Variants in PVT1 observed in about 807,000 individuals in gnomAD.
PVT1 encodes the protein CXCR4/PVT1 fusion.
At chr8:127,812,137 A>G (rs1466685820) in intron 2 of PVT1, among the ~76,000 whole-genome samples, 2 of 140,288 alleles carry the variant, frequency 1.4e-5, no homozygotes, top group Non-Finnish European at 3.1e-5. Context: ...AGAAAAGAAA[A>G]GAAAAGGAGG....
intron 2 of PVT1, among the ~76,000 whole-genome samples, chr8:127,888,727 A>T (rs997482175): frequency 6.6e-6 from 1 of 152,238 alleles, no homozygotes; most frequent in Non-Finnish European, 1.5e-5. Flanking sequence ...AGGCCTATGA[A>T]GCAGCCTTTA....
intron 2 of PVT1, among the ~76,000 whole-genome samples, chr8:127,816,564 A>G (rs923307302): frequency 1.2e-4 from 17 of 146,022 alleles, no homozygotes; most frequent in African/African-American, 3.8e-4. Flanking sequence ...GTCACCCAGG[A>G]TGGGGATGGA....
At chr8:127,973,797 G>C (rs1471011304) in intron 3 of PVT1, among the ~76,000 whole-genome samples, 2 of 151,758 alleles carry the variant, frequency 1.3e-5, no homozygotes, top group Non-Finnish European at 2.9e-5. Context: ...GGCTAACATG[G>C]TGAAACCCCA....
chr8:127,945,788 C>T (rs896079489), intron 3 of PVT1, among the ~76,000 whole-genome samples: 8 of 152,138 alleles, frequency 5.3e-5, no homozygotes, highest in South Asian at 2.1e-4. Context: ...TGTTCCCATT[C>T]GTTCATTTTT....
At chr8:127,836,837 C>T (rs1483120900) in intron 2 of PVT1, among the ~76,000 whole-genome samples, 1 of 152,150 alleles carries the variant, frequency 6.6e-6, no homozygotes, top group Non-Finnish European at 1.5e-5. Flanking sequence ...AGAGTCCACA[C>T]GCTTGGCGCC....
chr8:128,087,257 A>G (rs6470602), intron 5 of PVT1, among the ~76,000 whole-genome samples: 65,269 of 152,000 alleles, frequency 0.43, 15,118 homozygotes, highest in Admixed American at 0.6. Context: ...CCTTCCCTCG[A>G]TGGAATCCCA....
At chr8:127,849,705 GCCC>G in intron 2 of PVT1, among the ~76,000 whole-genome samples, 1 of 140,142 alleles carries the variant, frequency 7.1e-6, no homozygotes, top group Admixed American at 7.0e-5. Flanking sequence ...GTGTGTGTGT[GCCC>G]CTGCGTGCAC....
At chr8:127,906,674 T>A (rs912877312) in intron 3 of PVT1, among the ~76,000 whole-genome samples, 7 of 152,116 alleles carry the variant, frequency 4.6e-5, no homozygotes, top group Admixed American at 2.6e-4. Context: ...TGGGGTCTCA[T>A]GCTTGAGTCT....
intron 2 of PVT1, among the ~76,000 whole-genome samples, chr8:127,821,893 C>T (rs1363606367): frequency 6.6e-6 from 1 of 152,120 alleles, no homozygotes. Context: ...TAAACTGTGA[C>T]ACAAACGGTG....
intron 4 of PVT1, among the ~76,000 whole-genome samples, chr8:128,053,244 C>T (rs1813719722): frequency 6.6e-6 from 1 of 151,968 alleles, no homozygotes; most frequent in Non-Finnish European, 1.5e-5. Flanking sequence ...GTTAGATCAA[C>T]ATGGAAGAAA....
intron 4 of PVT1, among the ~76,000 whole-genome samples, chr8:128,055,921 A>G (rs2648870): frequency 0.098 from 14,960 of 152,242 alleles, 989 homozygotes; most frequent in East Asian, 0.22. Flanking sequence ...CAGACTCAAG[A>G]CAGGGAAACC....
intron 3 of PVT1, among the ~76,000 whole-genome samples, chr8:127,967,308 T>C (rs766768732): frequency 6.7e-6 from 1 of 148,528 alleles, no homozygotes; most frequent in Non-Finnish European, 1.5e-5. Context: ...AGAGGTTAAC[T>C]TCTGGGGGGC....
chr8:128,056,558 G>A (rs918551224), intron 4 of PVT1, among the ~76,000 whole-genome samples: 10 of 152,154 alleles, frequency 6.6e-5, no homozygotes, highest in African/African-American at 2.4e-4. Flanking sequence ...GTGTATTTGA[G>A]AAAATTTTAT....
At chr8:127,934,907 G>C (rs1816254063) in intron 3 of PVT1, among the ~76,000 whole-genome samples, 1 of 152,100 alleles carries the variant, frequency 6.6e-6, no homozygotes, top group African/African-American at 2.4e-5. Context: ...CAATATCGGG[G>C]AGTTCTGTTT....
intron 3 of PVT1, among the ~76,000 whole-genome samples, chr8:127,981,354 G>A (rs1816880934): frequency 6.6e-6 from 1 of 152,218 alleles, no homozygotes. Flanking sequence ...GCATTTGCCA[G>A]TAGAGTTCGG....
intron 4 of PVT1, among the ~76,000 whole-genome samples, chr8:128,041,735 A>C (rs1245047881): frequency 6.6e-6 from 1 of 151,926 alleles, no homozygotes; most frequent in East Asian, 1.9e-4. Context: ...GTGTGTTTGT[A>C]TTGGTTGCTG....
intron 2 of PVT1, among the ~76,000 whole-genome samples, chr8:127,853,367 C>A (rs1313055579): frequency 1.3e-5 from 2 of 152,064 alleles, no homozygotes; most frequent in South Asian, 2.1e-4. Flanking sequence ...GCAGTGGAGG[C>A]CCCCCACGAG....
At chr8:128,002,855 G>A (rs758104269) in intron 4 of PVT1, among the ~76,000 whole-genome samples, 4 of 152,026 alleles carry the variant, frequency 2.6e-5, no homozygotes, top group Non-Finnish European at 5.9e-5. Flanking sequence ...AGGAGAAAAT[G>A]TTACAACTTC....
intron 4 of PVT1, among the ~76,000 whole-genome samples, chr8:127,996,987 G>A: frequency 6.6e-6 from 1 of 151,270 alleles, no homozygotes; most frequent in East Asian, 1.9e-4. Context: ...AGGACCCTGA[G>A]GATTTCAGCT....
Sources: allele counts gnomAD v4.1 joint callset (sites outside exome capture counted in the v4.1 genomes callset), GRCh38; gene constraint gnomAD v4.1.1; transcripts MANE v1.5; gene names NCBI Gene and HGNC (gene_info 2026-07-23, HGNC 2026-07-21).